The following APCDD1 variants were observed in gnomAD, a reference collection of about 807,000 sequenced individuals.
APCDD1 encodes the protein APC down-regulated 1.
A neutral mutation model predicts 38.1 loss-of-function variants in APCDD1; 15 were observed. The ratio of observed to expected loss-of-function variants is 0.39; its 90% confidence interval spans 0.26 to 0.61. APCDD1 has a LOEUF of 0.61. Among genes scored for constraint, APCDD1 ranks in the 20% least tolerant of loss-of-function variants. The pLI is 0.49. For missense variants in APCDD1, 647 were observed against 696.2 expected, an observed-to-expected ratio of 0.93 and a Z score of 0.79; for synonymous variants, 261 against 279.7, an observed-to-expected ratio of 0.93 and a Z score of 0.67.
Position 10,471,922 on chromosome 18 carries a change from T to C in APCDD1, c.635T>C (p.Ile212Thr). The part of the protein sequence containing the change: ...VNFAMHELQL[I>T]RVEKQYLHHN... ...TTTGCCATGCATGAACTTCAGCTCA[T>C]CCGGGTGGAGAAGCAGTACCTTCAC... The change falls in exon 3 of 5, where the codon ATC (isoleucine) becomes ACC (threonine). Residue 212 changes from isoleucine to threonine, a missense_variant. By Grantham distance (89) the Ile-to-Thr change is moderately conservative. Coordinates refer to ENST00000355285, the MANE Select transcript of APCDD1 (RefSeq NM_153000.5). The surrounding 1 kb of genome is among the most constrained non-coding windows in gnomAD (Gnocchi z 5.5). 1.2e-6 allele frequency: 2 copies of C among 1,614,156 alleles called. No individual in the cohort carries two copies. The highest frequency in any genetic ancestry group is 1.7e-6 in the Non-Finnish European group (2 of 1,180,036).
chr18:10,466,847 C>T (rs2030728753), intron 1 of APCDD1, among the ~76,000 whole-genome samples: 1 of 152,188 alleles, frequency 6.6e-6, no homozygotes, highest in Non-Finnish European at 1.5e-5. Flanking sequence ...AGTGAGGTTG[C>T]CTTTAATTTG....
At chr18:10,477,423 A>G (rs1047118133) in intron 3 of APCDD1, 1 of 152,238 alleles carries the variant, frequency 6.6e-6, no homozygotes, top group Non-Finnish European at 1.5e-5. Context: ...ATCTGGGCCG[A>G]GGTGTGCAGT....
At position 10,455,056 on chromosome 18, in the gene APCDD1, C is replaced by G. The variant is rs756845413; in HGVS notation, c.58+17C>G. On this transcript the variant is annotated intron_variant, in intron 1 of 4. Transcript: ENST00000355285. ...TGCTTCACGGTGAGTTCCCGAGGGC[C>G]ACTCGAGCGCTCCCAGCCGGCGGAG... 39 of 1,558,794 alleles carry G rather than the reference C, an allele frequency of 2.5e-5. No homozygotes were observed. In the South Asian group the frequency reaches 4.5e-4, roughly 18 times the overall value.
intron 1 of APCDD1, among the ~76,000 whole-genome samples, chr18:10,463,328 G>A (rs914990303): frequency 6.6e-6 from 1 of 152,072 alleles, no homozygotes; most frequent in African/African-American, 2.4e-5. Flanking sequence ...GTTTGTAGAT[G>A]CTATGTCCAG....
Position 10,470,712 on chromosome 18 carries a change from G to A in APCDD1, c.243-818G>A, listed in dbSNP as rs2030830682. 6.6e-6 allele frequency among the ~76,000 whole-genome samples: 1 copy of A among 152,156 alleles called. No individual in the cohort carries two copies. The highest frequency in any genetic ancestry group is 2.4e-5 in the African/African-American group (1 of 41,430). ...TGGCCAGGGCTTTAAGTACCTCCCC[G>A]TACCCCCATTGCAGCCTCAGCTAGT... On this transcript the variant is annotated intron_variant, in intron 2 of 4. Transcript: ENST00000355285. This position sits in a 1 kb window ranked among gnomAD's most constrained non-coding sequence, Gnocchi z 4.1.
rs572557448 is a variant in APCDD1, at chr18:10,476,664, A to G, written c.774+4603A>G. On this transcript the variant is annotated intron_variant, in intron 3 of 4. Transcript: ENST00000355285. The surrounding 1 kb of genome is among the most constrained non-coding windows in gnomAD (Gnocchi z 5.8). The stretch of plus-strand genomic sequence containing the variant: ...AATTGGTCTTTCTCCAAAATCCTGC[A>G]CTGATTTAACCACAGGATCGTAAAT... 1.5e-3 allele frequency: 233 copies of G among 152,328 alleles called. No homozygotes were observed. Among genetic ancestry groups the G allele is most frequent in the African/African-American group, 5.4e-3 (223 of 41,554 alleles). 9.4% of individuals were successfully genotyped at this position (152,328 alleles called of 1,614,324 possible).
intron 1 of APCDD1, among the ~76,000 whole-genome samples, chr18:10,456,663 A>G (rs893515660): frequency 2.6e-5 from 4 of 152,280 alleles, no homozygotes; most frequent in Admixed American, 1.3e-4. Context: ...CTATTTTGAG[A>G]GGTAGGGGTT....
chr18:10,456,558 A>G (rs2030387481), intron 1 of APCDD1, among the ~76,000 whole-genome samples: 1 of 152,260 alleles, frequency 6.6e-6, no homozygotes. Context: ...TGGCATGAAC[A>G]GCATTTTTTG....
Position 10,475,243 on chromosome 18 carries a change from T to C in APCDD1, c.774+3182T>C, listed in dbSNP as rs775603504. ...TTCATGATGCCTAGCCATAAAACAC[T>C]TCCTCCCATTTTCTCCTCCCTGCTC... On this transcript the variant is annotated intron_variant, in intron 3 of 4. Coordinates refer to ENST00000355285, the MANE Select transcript of APCDD1 (RefSeq NM_153000.5). The surrounding 1 kb of genome is among the most constrained non-coding windows in gnomAD (Gnocchi z 4.0). Among the ~76,000 whole-genome samples the C allele has an allele frequency of 6.6e-6, 1 of 152,164 alleles. No homozygotes were observed. The highest frequency in any genetic ancestry group is 6.5e-5 in the Admixed American group (1 of 15,278).
intron 1 of APCDD1, among the ~76,000 whole-genome samples, chr18:10,455,750 A>G (rs139091060): frequency 1.3e-5 from 2 of 152,282 alleles, no homozygotes; most frequent in Non-Finnish European, 2.9e-5. Context: ...GGTTCTAGTA[A>G]ACCTTTAGCT....
In APCDD1 at chr18:10,485,714, G is replaced by A. The variant is rs201920747; in HGVS notation, c.1027G>A (p.Ala343Thr). 71 of 1,614,044 alleles carry A rather than the reference G, an allele frequency of 4.4e-5. 1 individual carries two copies. The highest frequency in any genetic ancestry group is 1.5e-4 in the Admixed American group (9 of 60,026). The change falls in exon 4 of 5, where the codon GCC becomes ACC. Residue 343 changes from alanine (A) to threonine (T), a missense_variant. Coordinates refer to ENST00000355285, the MANE Select transcript of APCDD1 (RefSeq NM_153000.5). The surrounding 1 kb of genome is among the most constrained non-coding windows in gnomAD (Gnocchi z 5.8). ...VCKHPTFSIYARGRYSRGVLS... is the reference protein window; with the variant it reads ...VCKHPTFSIYTRGRYSRGVLS... ...CAAGCACCCCACCTTCTCCATCTACGCCCGGGGCCGCTACAGCCGCGGCGT... is the reference window on the plus strand; with the variant it reads ...CAAGCACCCCACCTTCTCCATCTACACCCGGGGCCGCTACAGCCGCGGCGT...
rs766740338 is a variant in APCDD1, at chr18:10,472,967, G to A, written c.774+906G>A. On this transcript the variant is annotated intron_variant, in intron 3 of 4. Coordinates refer to ENST00000355285, the MANE Select transcript of APCDD1 (RefSeq NM_153000.5). This position sits in a 1 kb window ranked among gnomAD's most constrained non-coding sequence, Gnocchi z 6.6. ...GTGCGTAGTGTGAACGTGCAGACCCGGGCCTGCTGCGGGTGGGCGGTGGGC... is the reference window on the plus strand; with the variant it reads ...GTGCGTAGTGTGAACGTGCAGACCCAGGCCTGCTGCGGGTGGGCGGTGGGC... 4.6e-5 allele frequency among the ~76,000 whole-genome samples: 7 copies of A among 152,064 alleles called. No individual in the cohort carries two copies. The highest frequency in any genetic ancestry group is 4.2e-4 in the South Asian group (2 of 4,816).
intron 4 of APCDD1, among the ~76,000 whole-genome samples, chr18:10,487,203 C>A (rs150148185): frequency 3.9e-5 from 6 of 152,294 alleles, no homozygotes; most frequent in African/African-American, 1.4e-4. Flanking sequence ...AAATTCCAGC[C>A]TTTGTTGAAT....
chr18:10,475,793 A>AGGCG lies in APCDD1; in HGVS notation c.774+3734_774+3735insCGGG, dbSNP rs1555645212. 10 of 95,554 alleles carry AGGCG rather than the reference A, an allele frequency of 1.0e-4. No individual in the cohort carries two copies. Among genetic ancestry groups the AGGCG allele is most frequent in the African/African-American group, 4.0e-4 (10 of 24,840 alleles). 5.9% of individuals were successfully genotyped at this position (95,554 alleles called of 1,614,324 possible). On this transcript the variant is annotated intron_variant, in intron 3 of 4. Transcript: ENST00000355285. This position sits in a 1 kb window ranked among gnomAD's most constrained non-coding sequence, Gnocchi z 4.0. ...GCCTAGCTGCCTCGCAAGATGGCTG[A>AGGCG]GGGGGGGGGGGGTCAGTGGAAGGCC...
intron 4 of APCDD1, among the ~76,000 whole-genome samples, chr18:10,487,046 A>G (rs622760): frequency 0.48 from 73,059 of 152,102 alleles, 17,873 homozygotes; most frequent in East Asian, 0.65. Flanking sequence ...TTTGTATTTA[A>G]TTTATTCACT....
At position 10,475,956 on chromosome 18, in the gene APCDD1, C is replaced by T. The variant is rs879507176; in HGVS notation, c.774+3895C>T. ...CAGCTCTGAGAAGGAACAAAATGGA[C>T]TCAGCCATTGGTGTCTTTCCAGACC... On this transcript the variant is annotated intron_variant, in intron 3 of 4. Coordinates refer to ENST00000355285, the MANE Select transcript of APCDD1 (RefSeq NM_153000.5). The surrounding 1 kb of genome is among the most constrained non-coding windows in gnomAD (Gnocchi z 4.0). 9 of 152,298 alleles carry T rather than the reference C, an allele frequency of 5.9e-5. No homozygotes were observed. The highest frequency in any genetic ancestry group is 2.0e-4 in the Admixed American group (3 of 15,288). The allele number at this position is 152,298 out of a possible 1,614,324, so 9.4% of individuals were successfully genotyped here. A position where few individuals can be genotyped will look rare whatever the true frequency, so the allele number is the denominator to read the frequency against.
chr18:10,481,153 C>G (rs947245190), intron 3 of APCDD1, among the ~76,000 whole-genome samples: 1 of 152,002 alleles, frequency 6.6e-6, no homozygotes, highest in Admixed American at 6.6e-5. Context: ...TGGTTCCCCC[C>G]AAAAATTAAA....
At chr18:10,479,207 A>C (rs2031077753) in intron 3 of APCDD1, among the ~76,000 whole-genome samples, 1 of 152,258 alleles carries the variant, frequency 6.6e-6, no homozygotes, top group Non-Finnish European at 1.5e-5. Context: ...TGGCCACTGC[A>C]GGTTTCTTTG....
In APCDD1 at chr18:10,485,293, C is replaced by T. The variant is rs2031223689; in HGVS notation, c.775-169C>T. 6.6e-6 allele frequency among the ~76,000 whole-genome samples: 1 copy of T among 152,098 alleles called. No individual in the cohort carries two copies. Reference sequence around the variant, plus strand: ...CAGGCAAACGTGTGCACTCACACATCACTCTCACCTCTGTCTGTGCCCGGA... The same window carrying T: ...CAGGCAAACGTGTGCACTCACACATTACTCTCACCTCTGTCTGTGCCCGGA... On this transcript the variant is annotated intron_variant, in intron 3 of 4. Transcript: ENST00000355285. The surrounding 1 kb of genome is among the most constrained non-coding windows in gnomAD (Gnocchi z 5.8).
Sources: gnomAD v4.1 joint callset for allele counts (sites outside exome capture counted in the v4.1 genomes callset) on GRCh38, gnomAD v4.1.1 for gene constraint, Gnocchi (gnomAD v3.1) non-coding constraint, MANE v1.5 for transcripts, NCBI Gene and HGNC (gene_info 2026-07-23, HGNC 2026-07-21) for gene names.